ZCCHC7: variants seen among roughly 807,000 people sequenced by gnomAD.
ZCCHC7 encodes zinc finger CCHC-type containing 7.
In ZCCHC7, 35 loss-of-function variants were observed where a neutral mutation model predicts 52.0. The ratio of observed to expected loss-of-function variants is 0.67; its 90% CI spans 0.51 to 0.89. The LOEUF (loss-of-function observed/expected upper bound fraction) is 0.89. Among genes scored for constraint, ZCCHC7 ranks in the 40% least tolerant of loss-of-function variants. The probability of loss-of-function intolerance (pLI) is 0.00; values close to 1 mark genes in which losing one functional copy is unlikely to be tolerated. For missense variants in ZCCHC7, 574 were observed against 649.1 expected, an observed-to-expected ratio of 0.88 and a Z score of 1.26; for synonymous variants, 217 against 221.5, an observed-to-expected ratio of 0.98 and a Z score of 0.18.
chr9:37,157,211 A>C (rs536582840), intron 2 of ZCCHC7, among the ~76,000 whole-genome samples: 2 of 151,354 alleles, frequency 1.3e-5, no homozygotes, highest in East Asian at 3.9e-4. Flanking sequence ...AAAAAAAAAA[A>C]AGGCGGCCGG....
chr9:37,209,103 C>T lies in ZCCHC7; in HGVS notation c.610+82161C>T, dbSNP rs139785838. 4.3e-3 allele frequency among the ~76,000 whole-genome samples: 647 copies of T among 151,720 alleles called. 4 individuals carry two copies. The highest frequency in any genetic ancestry group is 0.015 in the African/African-American group (607 of 41,324). ...TTGCCCAGGCTGGAGTGTAGTGGTGCGACCTCAGCTCACTGCAAGCTCCAC... is the reference window on the plus strand; with the variant it reads ...TTGCCCAGGCTGGAGTGTAGTGGTGTGACCTCAGCTCACTGCAAGCTCCAC... On this transcript the variant is annotated intron_variant, in intron 2 of 8. Coordinates refer to ENST00000336755, the MANE Select transcript of ZCCHC7 (RefSeq NM_032226.3).
intron 2 of ZCCHC7, among the ~76,000 whole-genome samples, chr9:37,214,320 C>T (rs565164111): frequency 1.3e-5 from 2 of 152,008 alleles, no homozygotes; most frequent in East Asian, 3.9e-4. Context: ...GAAACATTAT[C>T]CCAGATTCGG....
chr9:37,348,347 G>GTTCGTTCGTTCGTTCTTTCTTTCTTTCT (rs370166957), intron 6 of ZCCHC7, among the ~76,000 whole-genome samples: 1 of 135,488 alleles, frequency 7.4e-6, no homozygotes, highest in African/African-American at 3.0e-5. Context: ...ATACCAGTTC[G>GTTCGTTCGTTCGTTCTTTCTTTCTTTCT]TTCTTTCTTT....
chr9:37,187,537 T>C (rs1822729449), intron 2 of ZCCHC7, among the ~76,000 whole-genome samples: 2 of 152,188 alleles, frequency 1.3e-5, no homozygotes, highest in African/African-American at 2.4e-5. Flanking sequence ...TCCCCAGAGT[T>C]TGGGGACCCC....
chr9:37,298,139 A>G (rs1378030785), intron 2 of ZCCHC7, among the ~76,000 whole-genome samples: 2 of 152,228 alleles, frequency 1.3e-5, no homozygotes, highest in African/African-American at 4.8e-5. Flanking sequence ...GTTTAAAGCA[A>G]TTTATAGCCC....
At position 37,285,219 on chromosome 9, in the gene ZCCHC7, G is replaced by A. The variant is rs1281877531; in HGVS notation, c.611-16969G>A. The stretch of plus-strand genomic sequence containing the variant: ...TTTCTATGGAAAAATTTATCTTAGA[G>A]ATGATGTAGGGCTATATTTATGTTC... On this transcript the variant is annotated intron_variant, in intron 2 of 8. Coordinates refer to ENST00000336755, the MANE Select transcript of ZCCHC7 (RefSeq NM_032226.3). 3.3e-5 allele frequency among the ~76,000 whole-genome samples: 5 copies of A among 152,132 alleles called. No individual in the cohort carries two copies. The East Asian group carries it at 9.6e-4, about 29-fold the overall frequency.
intron 2 of ZCCHC7, among the ~76,000 whole-genome samples, chr9:37,183,893 C>A (rs996636637): frequency 5.9e-5 from 9 of 152,234 alleles, no homozygotes; most frequent in African/African-American, 1.7e-4. Context: ...TGCTATTCCG[C>A]CCTCTACCCT....
intron 5 of ZCCHC7, among the ~76,000 whole-genome samples, chr9:37,318,480 A>G (rs1276785820): frequency 6.6e-6 from 1 of 151,618 alleles, no homozygotes; most frequent in Non-Finnish European, 1.5e-5. Context: ...TATATATTTT[A>G]TATATATAAA....
At chr9:37,143,557 A>G (rs1334739012) in intron 2 of ZCCHC7, among the ~76,000 whole-genome samples, 1 of 151,692 alleles carries the variant, frequency 6.6e-6, no homozygotes, top group Non-Finnish European at 1.5e-5. Context: ...AGGTGAGAAC[A>G]GAATGAGAAT....
rs56103939 is a variant in ZCCHC7 at position 37,303,420 on chromosome 9, C to T, written c.655-768C>T. 8.6e-3 allele frequency among the ~76,000 whole-genome samples: 1,282 copies of T among 148,414 alleles called. 12 individuals carry two copies. The highest frequency in any genetic ancestry group is 0.016 in the Non-Finnish European group (1,044 of 67,184). On this transcript the variant is annotated intron_variant, in intron 3 of 8. Transcript: ENST00000336755. The stretch of plus-strand genomic sequence containing the variant: ...CAGCCTGGGCAAAAGAGTGAAACTC[C>T]GTCTCAAAAAAAAAAAAAGAAAGAA...
intron 2 of ZCCHC7, among the ~76,000 whole-genome samples, chr9:37,162,172 A>G (rs1419900418): frequency 6.6e-6 from 1 of 152,116 alleles, no homozygotes; most frequent in Non-Finnish European, 1.5e-5. Context: ...TATAGTATAT[A>G]CTACATATAT....
chr9:37,292,523 G>C (rs905297771), intron 2 of ZCCHC7, among the ~76,000 whole-genome samples: 3 of 152,082 alleles, frequency 2.0e-5, no homozygotes, highest in African/African-American at 7.2e-5. Flanking sequence ...TTAACCTGAG[G>C]ATGGAGGGAG....
chr9:37,148,109 CTT>C (rs942344768), intron 2 of ZCCHC7, among the ~76,000 whole-genome samples: 35 of 152,158 alleles, frequency 2.3e-4, no homozygotes, highest in African/African-American at 8.2e-4. Flanking sequence ...GATTTGTAAG[CTT>C]TTGGTTTTCT....
chr9:37,267,203 T>A (rs1827146993), intron 2 of ZCCHC7, among the ~76,000 whole-genome samples: 3 of 152,308 alleles, frequency 2.0e-5, no homozygotes, highest in Admixed American at 2.0e-4. Context: ...ATGACCTGTT[T>A]TGATCCTTAG....
chr9:37,229,055 G>C (rs962345682), intron 2 of ZCCHC7, among the ~76,000 whole-genome samples: 2 of 151,780 alleles, frequency 1.3e-5, no homozygotes, highest in Non-Finnish European at 2.9e-5. Flanking sequence ...GGCTGGTCTC[G>C]AACTCCTGAG....
At position 37,229,832 on chromosome 9, in the gene ZCCHC7, A is replaced by G. The variant is rs535416950; in HGVS notation, c.611-72356A>G. Among the ~76,000 whole-genome samples the G allele has an allele frequency of 3.9e-5, 6 of 152,344 alleles. No homozygotes were observed. In the South Asian group the frequency reaches 1.0e-3, roughly 26 times the overall value. On this transcript the variant is annotated intron_variant, in intron 2 of 8. Transcript: ENST00000336755. The stretch of plus-strand genomic sequence containing the variant: ...TTACTTTTTAAACTTTTTGATTCCT[A>G]TAATACTCAGCATAAAATACACTTT...
At chr9:37,248,827 C>T (rs73646340) in intron 2 of ZCCHC7, among the ~76,000 whole-genome samples, 5,815 of 152,282 alleles carry the variant, frequency 0.038, 387 homozygotes, top group African/African-American at 0.13. Context: ...TGTCTCATAT[C>T]AGACTGCCAG....
At chr9:37,255,004 T>C (rs185939945) in intron 2 of ZCCHC7, among the ~76,000 whole-genome samples, 2 of 152,064 alleles carry the variant, frequency 1.3e-5, no homozygotes, top group African/African-American at 4.8e-5. Flanking sequence ...CCTCTTGGGA[T>C]GTTTATACTG....
At chr9:37,199,004 G>A (rs1428133696) in intron 2 of ZCCHC7, among the ~76,000 whole-genome samples, 3 of 152,044 alleles carry the variant, frequency 2.0e-5, no homozygotes, top group Non-Finnish European at 4.4e-5. Context: ...GTATCTTTTA[G>A]CCTTCTACCC....
Sources: allele counts gnomAD v4.1 joint callset (sites outside exome capture counted in the v4.1 genomes callset), GRCh38; gene constraint gnomAD v4.1.1; transcripts MANE v1.5; gene names NCBI Gene and HGNC (gene_info 2026-07-23, HGNC 2026-07-21).